The following PRKCH variants were observed in gnomAD, a reference collection of about 807,000 sequenced individuals.
PRKCH encodes the protein protein kinase C eta, also known as protein kinase C eta type.
In PRKCH, 28 loss-of-function variants were observed where a neutral mutation model predicts 82.5. The observed-to-expected ratio is 0.34, with a 90% CI of 0.25 to 0.47. The LOEUF is 0.47. PRKCH is among the 20% of genes least tolerant of loss of function. The pLI, the probability that PRKCH is intolerant of heterozygous loss-of-function variation, is 1.00. For missense variants in PRKCH, 705 were observed against 881.8 expected, an observed-to-expected ratio of 0.80 and a Z score of 2.54; for synonymous variants, 322 against 327.4, an observed-to-expected ratio of 0.98 and a Z score of 0.18.
At chr14:61,424,049 A>G (rs1301295207) in intron 2 of PRKCH, among the ~76,000 whole-genome samples, 2 of 151,474 alleles carry the variant, frequency 1.3e-5, no homozygotes, top group African/African-American at 4.9e-5. Context: ...TCTCCCACAT[A>G]CTCTCTTTCT....
At chr14:61,471,515 T>TA (rs1192297986) in intron 9 of PRKCH, among the ~76,000 whole-genome samples, 13 of 151,132 alleles carry the variant, frequency 8.6e-5, no homozygotes, top group Admixed American at 3.3e-4. Context: ...TTTACCGGGC[T>TA]AAAAAAAATG....
intron 2 of PRKCH, among the ~76,000 whole-genome samples, chr14:61,427,458 T>A (rs1342958100): frequency 2.0e-5 from 3 of 152,214 alleles, no homozygotes; most frequent in African/African-American, 7.2e-5. Context: ...AGGAAAGATC[T>A]AGTTATGTTA....
chr14:61,502,302 C>A (rs975659584), intron 10 of PRKCH, among the ~76,000 whole-genome samples: 8 of 152,012 alleles, frequency 5.3e-5, no homozygotes, highest in African/African-American at 1.7e-4. Flanking sequence ...ACCTCGTGAT[C>A]CGCACACCCC....
chr14:61,421,927 G>A (rs1249230987), intron 2 of PRKCH, among the ~76,000 whole-genome samples: 3 of 152,172 alleles, frequency 2.0e-5, no homozygotes, highest in Non-Finnish European at 4.4e-5. Context: ...GGATGGGAGA[G>A]TTAGGAGAGG....
intron 10 of PRKCH, among the ~76,000 whole-genome samples, chr14:61,490,165 C>T (rs566736697): frequency 1.0e-3 from 156 of 152,262 alleles, no homozygotes; most frequent in African/African-American, 2.5e-3. Flanking sequence ...AAATGCTTCC[C>T]GTGGTATTTC....
Position 61,311,029 on chromosome 14 carries a change from G to A in PRKCH, c.-19+123361G>A, listed in dbSNP as rs138741114. Among the ~76,000 whole-genome samples, 467 of 152,338 alleles carry A rather than the reference G, an allele frequency of 3.1e-3. 2 individuals carry two copies. The highest frequency in any genetic ancestry group is 9.6e-3 in the African/African-American group (399 of 41,578). On this transcript the variant is annotated intron_variant, in intron 1 of 3. Coordinates refer to the PRKCH transcript ENST00000555185. Reference sequence around the variant, plus strand: ...TGGGATGCAGGGTGCCATGTTCCAAGGCTGCACAGAGCAGAAGGGCCCTGG... The same window carrying A: ...TGGGATGCAGGGTGCCATGTTCCAAAGCTGCACAGAGCAGAAGGGCCCTGG...
At chr14:61,347,248 A>G (rs2046007169) in intron 1 of PRKCH, among the ~76,000 whole-genome samples, 1 of 152,216 alleles carries the variant, frequency 6.6e-6, no homozygotes, top group Non-Finnish European at 1.5e-5. Context: ...TTAAAATGCA[A>G]TTAATTTTTA....
intron 1 of PRKCH, among the ~76,000 whole-genome samples, chr14:61,372,066 G>T (rs2046369959): frequency 6.6e-6 from 1 of 151,982 alleles, no homozygotes; most frequent in Non-Finnish European, 1.5e-5. Flanking sequence ...ACCCATCCTG[G>T]TGGGTTTTTG....
chr14:61,214,698 A>G (rs2044605095), intron 1 of PRKCH, among the ~76,000 whole-genome samples: 1 of 152,046 alleles, frequency 6.6e-6, no homozygotes, highest in Non-Finnish European at 1.5e-5. Context: ...CTCTCCTGGT[A>G]GTGAGCTTTC....
chr14:61,362,187 A>G (rs2046233341), intron 1 of PRKCH, among the ~76,000 whole-genome samples: 1 of 152,102 alleles, frequency 6.6e-6, no homozygotes, highest in Admixed American at 6.5e-5. Context: ...TTTATGTTAA[A>G]AAAATAGCTA....
chr14:61,344,883 C>T (rs930824346), intron 1 of PRKCH, among the ~76,000 whole-genome samples: 2 of 152,102 alleles, frequency 1.3e-5, no homozygotes, highest in Admixed American at 6.5e-5. Context: ...ATTTTTAGCC[C>T]GGTGGCCACC....
At chr14:61,474,010 A>C (rs2140315214) in intron 9 of PRKCH, among the ~76,000 whole-genome samples, 1 of 152,128 alleles carries the variant, frequency 6.6e-6, no homozygotes, top group Admixed American at 6.5e-5. Context: ...AAAAAAAATC[A>C]AAAATCTTTT....
rs8008603 is a variant in PRKCH, at chr14:61,372,355, C to A, written c.364-18870C>A. On this transcript the variant is annotated intron_variant, in intron 1 of 13. Coordinates refer to ENST00000332981, the MANE Select transcript of PRKCH (RefSeq NM_006255.5). ...TATATACACATATCTGTAAATATTT[C>A]TATATGTATCCATCTGTATCTATAT... Among the ~76,000 whole-genome samples the A allele has an allele frequency of 1.6e-3, 242 of 152,172 alleles. 5 individuals are homozygous for A. The highest frequency in any genetic ancestry group is 5.5e-3 in the African/African-American group (230 of 41,450).
At chr14:61,217,022 A>G (rs374020195) in intron 1 of PRKCH, among the ~76,000 whole-genome samples, 1 of 151,660 alleles carries the variant, frequency 6.6e-6, no homozygotes, top group East Asian at 1.9e-4. Flanking sequence ...ACATTTGTAA[A>G]AATTCATCAA....
At chr14:61,422,069 C>T (rs1425676297) in intron 2 of PRKCH, among the ~76,000 whole-genome samples, 10 of 152,120 alleles carry the variant, frequency 6.6e-5, no homozygotes, top group African/African-American at 2.4e-4. Context: ...GGCCTGAAGG[C>T]AGCCATTCAA....
At position 61,280,393 on chromosome 14, in the gene PRKCH, A is replaced by G. The variant is rs777941277; in HGVS notation, c.-19+92725A>G. On this transcript the variant is annotated intron_variant, in intron 1 of 3. Transcript: ENST00000555185. The surrounding 1 kb of genome is among the most constrained non-coding windows in gnomAD (Gnocchi z 5.0). ...GGGCAGCGCCGCCGTGCGCATCCAC[A>G]CCACGAAGTCCTGATTGATGAAGCC... The G allele has an allele frequency of 6.2e-7, 1 of 1,613,990 alleles. No individual in the cohort carries two copies. Among genetic ancestry groups the G allele is most frequent in the East Asian group, 2.2e-5 (1 of 44,858 alleles).
intron 1 of PRKCH, among the ~76,000 whole-genome samples, chr14:61,378,876 C>T (rs184894832): frequency 4.1e-4 from 62 of 152,324 alleles, no homozygotes; most frequent in Non-Finnish European, 6.9e-4. Context: ...TAGCTCAGGT[C>T]ACCACTGTCT....
At chr14:61,474,877 G>GC (rs989256059) in intron 9 of PRKCH, among the ~76,000 whole-genome samples, 1 of 152,130 alleles carries the variant, frequency 6.6e-6, no homozygotes, top group Non-Finnish European at 1.5e-5. Flanking sequence ...TTCGGCCCGT[G>GC]CATCAGCACT....
At chr14:61,459,606 C>T (rs1170356762) in intron 9 of PRKCH, among the ~76,000 whole-genome samples, 1 of 152,154 alleles carries the variant, frequency 6.6e-6, no homozygotes, top group African/African-American at 2.4e-5. Flanking sequence ...AGAGGAATGA[C>T]GTATCAGGTT....
Sources: gnomAD v4.1 joint callset for allele counts (sites outside exome capture counted in the v4.1 genomes callset) on GRCh38, gnomAD v4.1.1 for gene constraint, Gnocchi (gnomAD v3.1) non-coding constraint, MANE v1.5 for transcripts, NCBI Gene and HGNC (gene_info 2026-07-23, HGNC 2026-07-21) for gene names.